The following FARP1 variants were observed in gnomAD, a reference collection of about 807,000 sequenced individuals.
FARP1 encodes FERM, ARH/RhoGEF and pleckstrin domain protein 1.
FARP1 carries 52 observed loss-of-function variants against 128.8 expected under a neutral mutation model. The ratio of observed to expected loss-of-function variants is 0.40; its 90% CI spans 0.32 to 0.51. FARP1 has a LOEUF of 0.51. Among genes scored for constraint, FARP1 ranks in the 20% least tolerant of loss-of-function variants. The probability of loss-of-function intolerance (pLI) is 0.45; values close to 1 mark genes in which losing one functional copy is unlikely to be tolerated. For missense variants in FARP1, 1,333 were observed against 1,367.9 expected (o/e 0.97, Z 0.40); for synonymous variants, 580 against 551.8 (o/e 1.05, Z -0.72).
At chr13:98,245,495 ATT>A (rs1883004655) in intron 2 of FARP1, among the ~76,000 whole-genome samples, 1 of 152,186 alleles carries the variant, frequency 6.6e-6, no homozygotes. Context: ...CACAGGAGGC[ATT>A]TTCTACTTGT....
intron 6 of FARP1, among the ~76,000 whole-genome samples, chr13:98,378,985 AATAT>A (rs548545333): frequency 1.1e-4 from 10 of 87,898 alleles, no homozygotes; most frequent in African/African-American, 6.9e-4. Flanking sequence ...ATCTATATAT[AATAT>A]ATATATAATA....
chr13:98,371,295 A>G (rs909936660), intron 5 of FARP1, among the ~76,000 whole-genome samples: 2 of 139,380 alleles, frequency 1.4e-5, no homozygotes, highest in Non-Finnish European at 3.0e-5. Flanking sequence ...AATCGTCTCT[A>G]GAGGTTTGCA....
chr13:98,246,811 A>ACATT (rs1883093152), intron 2 of FARP1, among the ~76,000 whole-genome samples: 1 of 152,202 alleles, frequency 6.6e-6, no homozygotes, highest in Non-Finnish European at 1.5e-5. Context: ...CTGAAATGGA[A>ACATT]CATTGTTAAT....
At chr13:98,448,172 C>G in intron 26 of FARP1, 64 bp from the exon 27 acceptor site, 1 of 1,361,404 alleles carries the variant, frequency 7.3e-7, no homozygotes, top group East Asian at 2.3e-5. Flanking sequence ...GTAAGCGATG[C>G]CCACCAAAGT....
intron 2 of FARP1, chr13:98,332,751 A>G (rs1472969463): frequency 6.6e-6 from 1 of 152,230 alleles, no homozygotes; most frequent in African/African-American, 2.4e-5. Flanking sequence ...TAAACAGAAT[A>G]ATTTTTCATT....
At chr13:98,405,427 A>T (rs1012863819) in intron 13 of FARP1, 1 of 152,202 alleles carries the variant, frequency 6.6e-6, no homozygotes, top group African/African-American at 2.4e-5. Flanking sequence ...ATTACTAGAA[A>T]TGCCTCCCTT....
In FARP1 at chr13:98,157,357, T is replaced by TA. The variant is rs911746942; in HGVS notation, c.-24+13866dup. Among the ~76,000 whole-genome samples, 12 of 151,868 alleles carry TA rather than the reference T, an allele frequency of 7.9e-5. 1 individual carries two copies. The highest frequency in any genetic ancestry group is 1.6e-4 in the Non-Finnish European group (11 of 67,934). On this transcript the variant is annotated intron_variant, in intron 1 of 26. Coordinates refer to ENST00000319562, the MANE Select transcript of FARP1 (RefSeq NM_005766.4). Reference sequence around the variant, plus strand: ...CCCATGCTAGTCTAGGTGAACTTCCTACAAGCCACAGAGCCTTCCTCTGTC... The same window carrying TA: ...CCCATGCTAGTCTAGGTGAACTTCCTAACAAGCCACAGAGCCTTCCTCTGTC...
chr13:98,431,461 A>ATTTTT (rs34662991), intron 18 of FARP1, 181 bp downstream of exon 18: 3 of 339,634 alleles, frequency 8.8e-6, no homozygotes, highest in African/African-American at 2.7e-5. Flanking sequence ...TTACATCTTG[A>ATTTTT]TTTTTTTTTT....
chr13:98,349,585 CA>C (rs1888319015), intron 3 of FARP1, among the ~76,000 whole-genome samples: 3 of 143,908 alleles, frequency 2.1e-5, no homozygotes. Flanking sequence ...GCAGGAGAAT[CA>C]CTTGAACCCA....
chr13:98,320,660 A>G (rs1319251546), intron 2 of FARP1, among the ~76,000 whole-genome samples: 1 of 152,230 alleles, frequency 6.6e-6, no homozygotes, highest in Admixed American at 6.5e-5. Context: ...TTTAAATTGT[A>G]AACAAAACTG....
chr13:98,440,621 G>A, intron 23 of FARP1, 49 bp from the exon 24 acceptor site: 1 of 1,566,202 alleles, frequency 6.4e-7, no homozygotes, highest in Non-Finnish European at 8.7e-7. Context: ...ATCAGGAAGG[G>A]GCGCTGGGAG....
At chr13:98,179,903 C>T (rs912329108) in intron 1 of FARP1, among the ~76,000 whole-genome samples, 1 of 152,006 alleles carries the variant, frequency 6.6e-6, no homozygotes, top group Non-Finnish European at 1.5e-5. Flanking sequence ...CTTAATTCCT[C>T]ATTTTTAGTA....
In FARP1 at chr13:98,451,009, T is replaced by C. The variant is rs916635837; in HGVS notation, c.*2692T>C. The C allele has an allele frequency of 6.6e-6, 1 of 152,192 alleles. No individual in the cohort carries two copies. Among genetic ancestry groups the C allele is most frequent in the African/African-American group, 2.4e-5 (1 of 41,430 alleles). The allele number at this position is 152,192 out of a possible 1,614,324, so 9.4% of individuals were successfully genotyped here. A position where few individuals can be genotyped will look rare whatever the true frequency, so the allele number is the denominator to read the frequency against. ...CTTGTTGCTCTACGGGGGAAGGGGC[T>C]GAGTATGATTTGTCTGGCGACTGCA... On this transcript the variant is annotated 3_prime_UTR_variant, in exon 27 of 27. Transcript: ENST00000319562.
At chr13:98,351,081 A>AGCCTCGCCTCCCCTGCC (rs1888401710) in intron 3 of FARP1, among the ~76,000 whole-genome samples, 20 of 55,340 alleles carry the variant, frequency 3.6e-4, no homozygotes, top group South Asian at 1.1e-3. Context: ...TCGCCTCCCC[A>AGCCTCGCCTCCCCTGCC]CAGAAGCGAT....
At chr13:98,158,220 G>T (rs1178122349) in intron 1 of FARP1, among the ~76,000 whole-genome samples, 1 of 152,184 alleles carries the variant, frequency 6.6e-6, no homozygotes, top group African/African-American at 2.4e-5. Context: ...AATGAGAAGA[G>T]AAAACTATTT....
chr13:98,265,919 TTG>T (rs1189233189), intron 2 of FARP1, among the ~76,000 whole-genome samples: 2 of 152,188 alleles, frequency 1.3e-5, no homozygotes, highest in Non-Finnish European at 2.9e-5. Flanking sequence ...CTGGGACTAG[TTG>T]ATTCTCTGTG....
intron 17 of FARP1, among the ~76,000 whole-genome samples, chr13:98,425,224 AC>A (rs1056061085): frequency 5.9e-5 from 9 of 151,794 alleles, no homozygotes; most frequent in African/African-American, 1.7e-4. Flanking sequence ...AAAGATGTGG[AC>A]AAACACTGTC....
At chr13:98,285,261 AC>A (rs1422264088) in intron 2 of FARP1, among the ~76,000 whole-genome samples, 3 of 151,986 alleles carry the variant, frequency 2.0e-5, no homozygotes, top group African/African-American at 7.3e-5. Flanking sequence ...ATCCCTCCCC[AC>A]CCCCCATAAC....
At chr13:98,354,538 G>A (rs1250258017) in intron 3 of FARP1, among the ~76,000 whole-genome samples, 1 of 152,180 alleles carries the variant, frequency 6.6e-6, no homozygotes, top group Non-Finnish European at 1.5e-5. Flanking sequence ...ACAAAATGGA[G>A]AGGTACAAAT....
Sources: allele counts gnomAD v4.1 joint callset (sites outside exome capture counted in the v4.1 genomes callset), GRCh38; gene constraint gnomAD v4.1.1; transcripts MANE v1.5; gene names NCBI Gene and HGNC (gene_info 2026-07-23, HGNC 2026-07-21).